The following BABAM2 variants were observed in gnomAD, a reference collection of about 807,000 sequenced individuals.
The protein encoded by BABAM2 is BRISC and BRCA1 A complex member 2, also known as BRISC and BRCA1-A complex member 2.
BABAM2 carries 31 observed loss-of-function variants against 54.7 expected under a neutral mutation model. The observed-to-expected ratio is 0.57, with a 90% CI of 0.43 to 0.77. The LOEUF is 0.77. Ranked by LOEUF, BABAM2 falls within the 30% of genes least tolerant of loss-of-function variation. The pLI is 0.00. For synonymous variants in BABAM2, 167 were observed against 162.9 expected, an observed-to-expected ratio of 1.03 and a Z score of -0.19; for missense variants, 364 against 455.8, an observed-to-expected ratio of 0.80 and a Z score of 1.83.
chr2:28,056,120 G>A (rs1678390255), intron 6 of BABAM2, among the ~76,000 whole-genome samples: 2 of 152,146 alleles, frequency 1.3e-5, no homozygotes, highest in Non-Finnish European at 2.9e-5. Context: ...GGGGATGTAG[G>A]ATACATCTTC....
chr2:28,216,579 T>G (rs1230223998), intron 7 of BABAM2, among the ~76,000 whole-genome samples: 2 of 152,362 alleles, frequency 1.3e-5, no homozygotes, highest in Admixed American at 6.5e-5. Flanking sequence ...ATGGAGCATG[T>G]GTACGTGTTA....
intron 7 of BABAM2, among the ~76,000 whole-genome samples, chr2:28,179,832 T>G (rs1675424553): frequency 6.6e-6 from 1 of 152,060 alleles, no homozygotes; most frequent in Admixed American, 6.6e-5. Context: ...ACACCAATAA[T>G]GAAGTGGCTG....
At chr2:28,227,374 G>T (rs569299751) in intron 7 of BABAM2, among the ~76,000 whole-genome samples, 2 of 152,006 alleles carry the variant, frequency 1.3e-5, no homozygotes, top group Middle Eastern at 3.2e-3. Context: ...GGTGCAGGAC[G>T]CATGGTCTGC....
rs777854042 is a variant in BABAM2, at chr2:28,045,805, A to AT, written c.570+6_570+7insT. On this transcript the variant is annotated splice_region_variant and intron_variant, in intron 6 of 11. Coordinates refer to ENST00000379624, the MANE Select transcript of BABAM2 (RefSeq NM_199191.3). ...TCCCCACATACCTTCTCAAGGTAAA[A>AT]ATATATGATTTTCAGTATGAGAATA... is the stretch of plus-strand genomic sequence containing the variant. 2 of 1,599,538 alleles carry AT rather than the reference A, an allele frequency of 1.3e-6. No individual in the cohort carries two copies. Among genetic ancestry groups the AT allele is most frequent in the Admixed American group, 3.3e-5 (2 of 59,816 alleles).
At chr2:28,297,695 G>A (rs1394781995) in intron 10 of BABAM2, among the ~76,000 whole-genome samples, 1 of 152,198 alleles carries the variant, frequency 6.6e-6, no homozygotes, top group African/African-American at 2.4e-5. Context: ...ATAAATATAT[G>A]TGGTAATGCA....
chr2:27,907,837 G>A (rs941726107), intron 2 of BABAM2, among the ~76,000 whole-genome samples: 6 of 152,126 alleles, frequency 3.9e-5, no homozygotes, highest in African/African-American at 9.7e-5. Flanking sequence ...AGGTTCATCC[G>A]TGTTGTAGTG....
chr2:28,275,652 G>T (rs1323557693), intron 10 of BABAM2, among the ~76,000 whole-genome samples: 1 of 152,180 alleles, frequency 6.6e-6, no homozygotes, highest in Non-Finnish European at 1.5e-5. Context: ...TAATACATAT[G>T]CATTTATTAG....
intron 8 of BABAM2, among the ~76,000 whole-genome samples, chr2:28,240,203 C>G (rs1573910101): frequency 6.6e-6 from 1 of 151,892 alleles, no homozygotes; most frequent in East Asian, 1.9e-4. Context: ...TCAATGCAGC[C>G]TTGAACTCCT....
intron 11 of BABAM2, among the ~76,000 whole-genome samples, chr2:28,326,993 A>G (rs941674087): frequency 2.0e-5 from 3 of 152,196 alleles, no homozygotes; most frequent in African/African-American, 7.2e-5. Flanking sequence ...CATTTGAGAA[A>G]TATTTATTGA....
intron 10 of BABAM2, among the ~76,000 whole-genome samples, chr2:28,286,610 A>G (rs1277505700): frequency 6.6e-6 from 1 of 152,014 alleles, no homozygotes; most frequent in Non-Finnish European, 1.5e-5. Flanking sequence ...TCCCAGTCAT[A>G]GTCCTCCCAC....
chr2:28,298,205 C>T, intron 10 of BABAM2, 133 bp from the exon 11 acceptor site: 1 of 945,304 alleles, frequency 1.1e-6, no homozygotes, highest in Non-Finnish European at 1.6e-6. Flanking sequence ...TACACCACAC[C>T]TTTCATCCAA....
intron 4 of BABAM2, chr2:28,016,481 A>G (rs1267013314): frequency 1.5e-5 from 17 of 1,163,998 alleles, no homozygotes; most frequent in African/African-American, 6.1e-5. Context: ...CCACTTGCCC[A>G]TGGTGCTGGG....
chr2:28,292,675 CTAAG>C (rs1447893184), intron 10 of BABAM2, among the ~76,000 whole-genome samples: 2 of 152,144 alleles, frequency 1.3e-5, no homozygotes, highest in African/African-American at 4.8e-5. Context: ...ATGATCAGCT[CTAAG>C]GCAAGAATGA....
intron 7 of BABAM2, among the ~76,000 whole-genome samples, chr2:28,235,552 CT>C (rs1681823941): frequency 6.6e-6 from 1 of 152,090 alleles, no homozygotes; most frequent in Admixed American, 6.6e-5. Flanking sequence ...GTTTGGAGTC[CT>C]TTTAGTAGTG....
intron 6 of BABAM2, among the ~76,000 whole-genome samples, chr2:28,114,499 G>A (rs1256420763): frequency 6.6e-6 from 1 of 152,150 alleles, no homozygotes; most frequent in Non-Finnish European, 1.5e-5. Flanking sequence ...TATTGAAGAA[G>A]AAGGAAGAAA....
chr2:28,091,816 C>T (rs1666182020), intron 6 of BABAM2, among the ~76,000 whole-genome samples: 1 of 152,158 alleles, frequency 6.6e-6, no homozygotes, highest in South Asian at 2.1e-4. Context: ...AAATACTTTG[C>T]ATGTAATATG....
chr2:28,246,823 T>C (rs1682958061), intron 10 of BABAM2, among the ~76,000 whole-genome samples: 1 of 152,230 alleles, frequency 6.6e-6, no homozygotes, highest in Non-Finnish European at 1.5e-5. Flanking sequence ...AATTGTCACT[T>C]GCAATGATGG....
chr2:28,006,901 A>G (rs1179019440), intron 4 of BABAM2, among the ~76,000 whole-genome samples: 1 of 152,038 alleles, frequency 6.6e-6, no homozygotes, highest in Non-Finnish European at 1.5e-5. Flanking sequence ...ATTGTGGGGA[A>G]ATAAGGTATA....
chr2:28,159,117 T>C (rs1254763677), intron 7 of BABAM2, among the ~76,000 whole-genome samples: 1 of 152,248 alleles, frequency 6.6e-6, no homozygotes, highest in Non-Finnish European at 1.5e-5. Flanking sequence ...TCTGTTTGTT[T>C]CTAAAGAACT....
Sources: allele counts gnomAD v4.1 joint callset (sites outside exome capture counted in the v4.1 genomes callset), GRCh38; gene constraint gnomAD v4.1.1; transcripts MANE v1.5; gene names NCBI Gene and HGNC (gene_info 2026-07-23, HGNC 2026-07-21).